The following SPG11 variants were observed in gnomAD, a reference collection of about 807,000 sequenced individuals.
The protein encoded by SPG11 is SPG11 vesicle trafficking associated, spatacsin.
Under a neutral mutation model 274.0 loss-of-function variants are expected in SPG11, and 222 were observed. The ratio of observed to expected loss-of-function variants is 0.81; its 90% CI spans 0.73 to 0.91. The LOEUF is 0.91. Among genes scored for constraint, SPG11 ranks in the 40% least tolerant of loss-of-function variants. SPG11 has a pLI of 0.00. For synonymous variants in SPG11, 1,144 were observed against 1,039.7 expected (o/e 1.10, Z -1.93); for missense variants, 3,114 against 2,872.7 (o/e 1.08, Z -1.92).
At chr15:44,584,876 G>A (rs994314171) in intron 29 of SPG11, among the ~76,000 whole-genome samples, 2 of 152,136 alleles carry the variant, frequency 1.3e-5, no homozygotes, top group Non-Finnish European at 2.9e-5. Context: ...CAATCCTCCT[G>A]CCTTGCCCTC....
intron 20 of SPG11, chr15:44,604,284 T>G (rs1479719434): frequency 3.1e-6 from 1 of 324,472 alleles, no homozygotes; most frequent in African/African-American, 2.2e-5. Flanking sequence ...CTCTTTGAGA[T>G]TAAAAAAACT....
chr15:44,610,837 T>A lies in SPG11; in HGVS notation c.3291+3A>T. 1.2e-6 allele frequency: 2 copies of A among 1,613,816 alleles called. No individual in the cohort carries two copies. The highest frequency in any genetic ancestry group is 1.7e-6 in the Non-Finnish European group (2 of 1,179,764). On this transcript the variant is annotated splice_donor_region_variant and intron_variant, in intron 18 of 39. Coordinates refer to ENST00000261866, the MANE Select transcript of SPG11 (RefSeq NM_025137.4). ...CTATTTTGTCATAAAGTGCTATCCA[T>A]ACCTGACTGACACCCCCAGGAGAAT...
chr15:44,606,240 G>T (rs2083315209), intron 19 of SPG11, 149 bp from the exon 20 acceptor site: 2 of 638,344 alleles, frequency 3.1e-6, no homozygotes, highest in African/African-American at 3.7e-5. Context: ...TTTGAACACA[G>T]CTAAAAATAA....
Position 44,663,547 on chromosome 15 carries a change from G to T in SPG11, c.101C>A (p.Pro34His). 1 of 1,597,970 alleles carries T rather than the reference G, an allele frequency of 6.3e-7. No homozygotes were observed. Among genetic ancestry groups the T allele is most frequent in the East Asian group, 2.3e-5 (1 of 44,222 alleles). ...RVLPMLLVPV[P>H]AEAMGQLGSR... ...GCCGAGCTGCCCCATCGCCTCGGCG[G>T]GGACTGGCACCAACAGCATCGGTAG... Residue 34 changes from proline to histidine, a missense_variant, in exon 1 of 40, where the codon CCC (proline) becomes CAC (histidine). By Grantham distance (77) the Pro-to-His change is moderately conservative. Coordinates refer to ENST00000261866, the MANE Select transcript of SPG11 (RefSeq NM_025137.4).
At chr15:44,627,950 G>A (rs1171888361) in intron 10 of SPG11, among the ~76,000 whole-genome samples, 1 of 152,096 alleles carries the variant, frequency 6.6e-6, no homozygotes, top group Non-Finnish European at 1.5e-5. Flanking sequence ...GTCACACCAC[G>A]TACTTTAATC....
intron 23 of SPG11, 140 bp downstream of exon 23, chr15:44,598,125 T>TCAGG: frequency 1.5e-6 from 1 of 670,538 alleles, no homozygotes; most frequent in Non-Finnish European, 2.7e-6. Context: ...ACTGAGTATC[T>TCAGG]GCTACATGCT....
At position 44,663,257 on chromosome 15, in the gene SPG11, G is replaced by T. The variant is rs556641069; in HGVS notation, c.257+134C>A. 1.1e-4 allele frequency: 142 copies of T among 1,255,008 alleles called. 2 individuals carry two copies. The South Asian group carries it at 1.8e-3, about 16-fold the overall frequency. 77.7% of individuals were successfully genotyped at this position (1,255,008 alleles called of 1,614,324 possible). A position where few individuals can be genotyped will look rare whatever the true frequency, so the allele number is the denominator to read the frequency against. On this transcript the variant is annotated intron_variant, in intron 1 of 39. Coordinates refer to ENST00000261866, the MANE Select transcript of SPG11 (RefSeq NM_025137.4). ...AGGAAACCACGCTCGCCTCTGGGGC[G>T]TTTCCTGCAGCTGGCACCCTTCTCC...
intron 30 of SPG11, among the ~76,000 whole-genome samples, chr15:44,576,449 C>T (rs2082540177): frequency 6.6e-6 from 1 of 151,578 alleles, no homozygotes; most frequent in Non-Finnish European, 1.5e-5. Flanking sequence ...GAGATCGAGA[C>T]CATCCTGGCT....
intron 4 of SPG11, among the ~76,000 whole-genome samples, chr15:44,656,164 G>T (rs141351999): frequency 2.0e-5 from 3 of 152,210 alleles, no homozygotes; most frequent in East Asian, 3.9e-4. Context: ...AACAGAGAAG[G>T]TTTAAAAATA....
chr15:44,632,925 ACTGT>A (rs1365598249), intron 8 of SPG11, among the ~76,000 whole-genome samples: 4 of 152,164 alleles, frequency 2.6e-5, no homozygotes. Context: ...TGTGTATAAA[ACTGT>A]CTTGAATTTG....
intron 30 of SPG11, chr15:44,575,271 G>A: frequency 1.9e-6 from 1 of 530,006 alleles, no homozygotes; most frequent in South Asian, 2.1e-5. Flanking sequence ...AAAGATCAAG[G>A]CCACCTAATG....
intron 7 of SPG11, among the ~76,000 whole-genome samples, chr15:44,634,990 T>C (rs1326112604): frequency 6.6e-6 from 1 of 151,130 alleles, no homozygotes; most frequent in African/African-American, 2.4e-5. Context: ...TCGAGGCAGG[T>C]GGATCAGCTG....
intron 18 of SPG11, among the ~76,000 whole-genome samples, chr15:44,609,424 C>T (rs971103975): frequency 1.3e-5 from 2 of 152,010 alleles, no homozygotes; most frequent in East Asian, 1.9e-4. Flanking sequence ...CCACCGCACC[C>T]GGCCTTTAAA....
chr15:44,648,833 T>C, intron 7 of SPG11, 33 bp downstream of exon 7: 1 of 1,606,842 alleles, frequency 6.2e-7, no homozygotes. Context: ...ACAAAATAAT[T>C]AAGTAATGTT....
In SPG11 at chr15:44,652,185, A is replaced by T; in HGVS notation, c.951T>A (p.Asp317Glu). ...TCATGTTGTAGGCAGAGTTAACAGG[A>T]TCATCTTCATCTACGCCCTTAGGTC... ...IQGPKGVDED[D>E]PVNSAYNMKL... The change falls in exon 5 of 40, where the codon GAT becomes GAA. Residue 317 changes from aspartate to glutamate, a missense_variant. By Grantham distance (45) the Asp-to-Glu change is conservative (BLOSUM62 2). Transcript: ENST00000261866. 1 of 1,614,148 alleles carries T rather than the reference A, an allele frequency of 6.2e-7. No individual in the cohort carries two copies. Among genetic ancestry groups the T allele is most frequent in the Non-Finnish European group, 8.5e-7 (1 of 1,180,002 alleles).
intron 39 of SPG11, 115 bp downstream of exon 39, chr15:44,564,432 A>C (rs1435400342): frequency 1.1e-5 from 11 of 1,026,348 alleles, no homozygotes; most frequent in Non-Finnish European, 1.6e-5. Context: ...CTGCTTTGCC[A>C]TTTTAAGTAG....
At chr15:44,623,949 C>T (rs1440221455) in intron 11 of SPG11, among the ~76,000 whole-genome samples, 1 of 151,936 alleles carries the variant, frequency 6.6e-6, no homozygotes, top group Non-Finnish European at 1.5e-5. Flanking sequence ...TTAGTAGAGA[C>T]AGCATTTACC....
In SPG11 at chr15:44,563,218, T is replaced by G; in HGVS notation, c.7235A>C (p.Tyr2412Ser). 6.2e-7 allele frequency: 1 copy of G among 1,614,120 alleles called. No homozygotes were observed. The highest frequency in any genetic ancestry group is 8.5e-7 in the Non-Finnish European group (1 of 1,179,930). ...AAACTTGTGTTCGTATGCCAACTTGTAATACAGGTAAACATCTTCACAATA... is the reference window on the plus strand; with the variant it reads ...AAACTTGTGTTCGTATGCCAACTTGGAATACAGGTAAACATCTTCACAATA... ...LTYCEDVYLY[Y>S]KLAYEHKFYE... The change falls in exon 40 of 40, where the codon TAC (tyrosine) becomes TCC (serine). Residue 2412 changes from tyrosine (Y) to serine (S), a missense_variant. Coordinates refer to ENST00000261866, the MANE Select transcript of SPG11 (RefSeq NM_025137.4).
At chr15:44,595,542 A>G in intron 25 of SPG11, 83 bp from the exon 26 acceptor site, 1 of 1,415,260 alleles carries the variant, frequency 7.1e-7, no homozygotes. Flanking sequence ...TTTCCTGTTT[A>G]GAATAAGTCA....
Sources: gnomAD v4.1 joint callset for allele counts (sites outside exome capture counted in the v4.1 genomes callset) on GRCh38, gnomAD v4.1.1 for gene constraint, MANE v1.5 for transcripts, NCBI Gene and HGNC (gene_info 2026-07-23, HGNC 2026-07-21) for gene names.